The following SBNO2 variants were observed in gnomAD, a reference collection of about 807,000 sequenced individuals.
SBNO2 encodes protein strawberry notch homolog 2.
In SBNO2, 89 loss-of-function variants were observed where a neutral mutation model predicts 146.3. The observed-to-expected ratio is 0.61, with a 90% CI of 0.51 to 0.73. SBNO2 has a LOEUF of 0.73. Ranked by LOEUF, SBNO2 falls within the 30% of genes least tolerant of loss-of-function variation. The probability of loss-of-function intolerance (pLI) is 0.00; values close to 1 mark genes in which losing one functional copy is unlikely to be tolerated. For synonymous variants in SBNO2, 1,147 were observed against 892.6 expected (o/e 1.29, Z -5.08); for missense variants, 2,092 against 2,003.7 (o/e 1.04, Z -0.84).
Position 1,109,156 on chromosome 19 carries a change from G to A in SBNO2, c.3404C>T (p.Thr1135Met), listed in dbSNP as rs770711073. The A allele has an allele frequency of 7.7e-6, 12 of 1,555,856 alleles. No homozygotes were observed. Among genetic ancestry groups the A allele is most frequent in the Middle Eastern group, 1.7e-4 (1 of 5,998 alleles). The part of the protein sequence containing the change: ...PWESGYALSL[T>M]HCSHSAWNRH... The stretch of plus-strand genomic sequence containing the variant: ...TCACCAGGCGCTGTGGCTGCAGTGC[G>A]TCAGCGACAAAGCGTAGCCACTCTC... Residue 1135 changes from threonine (T) to methionine (M), a missense_variant, in exon 30 of 32, where the codon ACG (threonine) becomes ATG (methionine). Thr to Met is a moderately conservative substitution (Grantham distance 81, BLOSUM62 -1). Transcript: ENST00000361757. The surrounding 1 kb of genome is among the most constrained non-coding windows in gnomAD (Gnocchi z 4.2).
intron 4 of SBNO2, among the ~76,000 whole-genome samples, chr19:1,143,251 G>A (rs1420457887): frequency 6.6e-6 from 1 of 152,180 alleles, no homozygotes; most frequent in Non-Finnish European, 1.5e-5. Flanking sequence ...GCTCAGGCAG[G>A]AGAATCGCTT....
rs1376761896 is a variant in SBNO2 at position 1,108,297 on chromosome 19, C to T, written c.4024G>A (p.Ala1342Thr). Residue 1342 changes from alanine to threonine, a missense_variant, in exon 32 of 32, where the codon GCG becomes ACG. Coordinates refer to ENST00000361757, the MANE Select transcript of SBNO2 (RefSeq NM_014963.3). Reference protein sequence around the residue: ...ALGEGAGAGGAAGGGPERQSV... With the variant: ...ALGEGAGAGGTAGGGPERQSV... ...TGCCGCTCGGGACCACCGCCCGCCGCGCCCCCCGCCCCCGCGCCCTCCCCC... is the reference window on the plus strand; with the variant it reads ...TGCCGCTCGGGACCACCGCCCGCCGTGCCCCCCGCCCCCGCGCCCTCCCCC... The T allele has an allele frequency of 2.0e-6, 3 of 1,486,640 alleles. No individual in the cohort carries two copies. Among genetic ancestry groups the T allele is most frequent in the African/African-American group, 1.5e-5 (1 of 67,576 alleles). 92.1% of individuals were successfully genotyped at this position (1,486,640 alleles called of 1,614,324 possible).
chr19:1,150,608 T>C lies in SBNO2; in HGVS notation c.94-1166A>G, dbSNP rs1047730548. Among the ~76,000 whole-genome samples the C allele has an allele frequency of 5.3e-5, 8 of 151,874 alleles. No individual in the cohort carries two copies. The highest frequency in any genetic ancestry group is 1.9e-4 in the African/African-American group (8 of 41,292). ...CACCAGCCGGGGGCATCATCCTGCTTATCCCAGCAGGACTGGGGGCCACGC... is the reference window on the plus strand; with the variant it reads ...CACCAGCCGGGGGCATCATCCTGCTCATCCCAGCAGGACTGGGGGCCACGC... On this transcript the variant is annotated intron_variant, in intron 2 of 31. Transcript: ENST00000361757. The surrounding 1 kb of genome is among the most constrained non-coding windows in gnomAD (Gnocchi z 6.2).
rs1311701495 is a variant in SBNO2 at position 1,119,256 on chromosome 19, G to A, written c.1374-92C>T. The A allele has an allele frequency of 2.8e-5, 41 of 1,439,810 alleles. 1 individual carries two copies. The highest frequency in any genetic ancestry group is 6.4e-5 in the South Asian group (5 of 77,808). The allele number at this position is 1,439,810 out of a possible 1,614,324, so 89.2% of individuals were successfully genotyped here. On this transcript the variant is annotated intron_variant, in intron 13 of 31. Transcript: ENST00000361757. The stretch of plus-strand genomic sequence containing the variant: ...AGGCAGAGCCAGTCGCAGAGAGGGC[G>A]GGGTCGGCAGGAGCAGAGCCCTGGC...
intron 12 of SBNO2, 32 bp downstream of exon 12, chr19:1,119,874 G>C: frequency 6.8e-7 from 1 of 1,468,410 alleles, no homozygotes; most frequent in Non-Finnish European, 9.2e-7. Context: ...ACGCTGCTGC[G>C]GGTGGGTCAC....
rs1180576171 is a variant in SBNO2, at chr19:1,108,244, G to A, written c.4077C>T (p.Phe1359=). The A allele has an allele frequency of 1.7e-5, 26 of 1,527,046 alleles. No individual in the cohort carries two copies. The highest frequency in any genetic ancestry group is 1.3e-4 in the South Asian group (11 of 83,302). The allele number at this position is 1,527,046 out of a possible 1,614,324, so 94.6% of individuals were successfully genotyped here. A position where few individuals can be genotyped will look rare whatever the true frequency, so the allele number is the denominator to read the frequency against. Residue 1359 remains phenylalanine (F), a synonymous_variant, in exon 32 of 32, where the codon TTC becomes TTT. Transcript: ENST00000361757. The part of the protein sequence containing the change: ...RQSVIQFSPP[F]PGAQAPL Reference sequence around the variant, plus strand: ...GTCAGAGAGGAGCCTGGGCGCCGGGGAAGGGTGGGCTGAACTGGATCACGC... The same window carrying A: ...GTCAGAGAGGAGCCTGGGCGCCGGGAAAGGGTGGGCTGAACTGGATCACGC...
intron 1 of SBNO2, among the ~76,000 whole-genome samples, chr19:1,172,417 G>A (rs1371458721): frequency 6.6e-6 from 1 of 152,186 alleles, no homozygotes; most frequent in African/African-American, 2.4e-5. Context: ...AAAATCTGGG[G>A]CCGGGCAGCC....
intron 11 of SBNO2, among the ~76,000 whole-genome samples, chr19:1,120,474 C>A (rs1465438183): frequency 6.6e-6 from 1 of 152,196 alleles, no homozygotes; most frequent in Non-Finnish European, 1.5e-5. Flanking sequence ...TCAAGTGATT[C>A]TCCTGCTTCA....
At chr19:1,128,106 A>G (rs535693930) in intron 4 of SBNO2, 13 of 513,086 alleles carry the variant, frequency 2.5e-5, no homozygotes, top group African/African-American at 2.1e-4. Context: ...GTGAGCCACC[A>G]TGTGACAGAG....
intron 1 of SBNO2, among the ~76,000 whole-genome samples, chr19:1,171,601 C>T (rs1215283803): frequency 2.0e-5 from 3 of 152,146 alleles, no homozygotes; most frequent in Admixed American, 6.5e-5. Flanking sequence ...TCGACACAGT[C>T]GCCTCTTTGT....
intron 4 of SBNO2, chr19:1,132,204 G>A (rs929299061): frequency 1.5e-5 from 21 of 1,357,914 alleles, no homozygotes; most frequent in Admixed American, 3.8e-5. Flanking sequence ...TCATGACCGC[G>A]GCAGCAGCCC....
chr19:1,117,311 G>T lies in SBNO2; in HGVS notation c.1704+12C>A, dbSNP rs755543892. On this transcript the variant is annotated intron_variant, in intron 15 of 31. Transcript: ENST00000361757. Reference sequence around the variant, plus strand: ...CGGCCGCCCTCAGCCCTCGAAGGCCGCAGCCGCTCACCTTGTCTCGCGCCA... The same window carrying T: ...CGGCCGCCCTCAGCCCTCGAAGGCCTCAGCCGCTCACCTTGTCTCGCGCCA... 1.9e-5 allele frequency: 29 copies of T among 1,553,100 alleles called. No individual in the cohort carries two copies. Among genetic ancestry groups the T allele is most frequent in the Non-Finnish European group, 1.3e-5 (15 of 1,149,344 alleles).
At chr19:1,120,212 A>G (rs1201622964) in intron 11 of SBNO2, 189 bp from the exon 12 acceptor site, 4 of 593,192 alleles carry the variant, frequency 6.7e-6, no homozygotes, top group Non-Finnish European at 9.0e-6. Context: ...GGCGGCCCCC[A>G]CACGACCATT....
chr19:1,111,680 C>T, intron 23 of SBNO2, 66 bp from the exon 24 acceptor site: 3 of 1,245,572 alleles, frequency 2.4e-6, no homozygotes, highest in Non-Finnish European at 3.4e-6. Context: ...GGACCCCTGC[C>T]TCCCCAGAAC....
intron 4 of SBNO2, among the ~76,000 whole-genome samples, chr19:1,145,241 C>T (rs1427523171): frequency 3.4e-5 from 5 of 147,090 alleles, no homozygotes; most frequent in South Asian, 2.1e-4. Flanking sequence ...CTGAGGCGGG[C>T]GGATCACCAC....
At chr19:1,129,076 G>A (rs924899739) in intron 4 of SBNO2, among the ~76,000 whole-genome samples, 1 of 151,968 alleles carries the variant, frequency 6.6e-6, no homozygotes, top group Admixed American at 6.6e-5. Context: ...AGACCAGCCT[G>A]ACCAATATGG....
At chr19:1,130,532 G>A (rs2080016987) in intron 4 of SBNO2, among the ~76,000 whole-genome samples, 1 of 151,836 alleles carries the variant, frequency 6.6e-6, no homozygotes, top group Non-Finnish European at 1.5e-5. Context: ...AGTGGCTCAT[G>A]CCTGTAATCC....
At chr19:1,146,506 A>G (rs1384022904) in intron 4 of SBNO2, among the ~76,000 whole-genome samples, 1 of 151,942 alleles carries the variant, frequency 6.6e-6, no homozygotes, top group Non-Finnish European at 1.5e-5. Flanking sequence ...TACACAGGGG[A>G]AGCGGAGGCT....
chr19:1,161,661 A>G (rs1036863489), intron 1 of SBNO2, among the ~76,000 whole-genome samples: 27 of 151,926 alleles, frequency 1.8e-4, no homozygotes, highest in African/African-American at 6.5e-4. Context: ...CAGGACCCAC[A>G]TTTTAGGAAC....
Sources: gnomAD v4.1 joint callset for allele counts (sites outside exome capture counted in the v4.1 genomes callset) on GRCh38, gnomAD v4.1.1 for gene constraint, Gnocchi (gnomAD v3.1) non-coding constraint, MANE v1.5 for transcripts, NCBI Gene and HGNC (gene_info 2026-07-23, HGNC 2026-07-21) for gene names.